The following PTPN21 variants were observed in gnomAD, a reference collection of about 807,000 sequenced individuals.
PTPN21 encodes tyrosine-protein phosphatase non-receptor type 21.
In PTPN21, 77 loss-of-function variants were observed where a neutral mutation model predicts 131.8. The observed-to-expected ratio is 0.58, with a 90% CI of 0.49 to 0.71. PTPN21 has a LOEUF of 0.71. Ranked by LOEUF, PTPN21 falls within the 30% of genes least tolerant of loss-of-function variation. PTPN21 has a pLI of 0.00. For missense variants in PTPN21, 1,552 were observed against 1,527.1 expected, an observed-to-expected ratio of 1.02 and a Z score of -0.27; for synonymous variants, 715 against 621.3, an observed-to-expected ratio of 1.15 and a Z score of -2.24.
Position 88,515,542 on chromosome 14 carries a change from T to C in PTPN21, c.350+1550A>G, listed in dbSNP as rs537139148. On this transcript the variant is annotated intron_variant, in intron 3 of 18. Coordinates refer to ENST00000556564, the MANE Select transcript of PTPN21 (RefSeq NM_007039.4). ...CTAATGTCTATTTTTAAAACCTCCT[T>C]AGGTAATACCTGAAACTTCCTGAAG... is the stretch of plus-strand genomic sequence containing the variant. 3 of 152,276 alleles carry C rather than the reference T, an allele frequency of 2.0e-5. No homozygotes were observed. In the East Asian group the frequency reaches 5.8e-4, roughly 29 times the overall value. 9.4% of individuals were successfully genotyped at this position (152,276 alleles called of 1,614,324 possible). A position where few individuals can be genotyped will look rare whatever the true frequency, so the allele number is the denominator to read the frequency against.
At chr14:88,472,611 TGTA>T in intron 14 of PTPN21, 146 bp from the exon 15 acceptor site, 1 of 617,360 alleles carries the variant, frequency 1.6e-6, no homozygotes. Flanking sequence ...GTCTCATGCC[TGTA>T]ATCCCTGCAC....
At chr14:88,483,360 C>G (rs926696510) in intron 12 of PTPN21, among the ~76,000 whole-genome samples, 27 of 152,038 alleles carry the variant, frequency 1.8e-4, no homozygotes, top group African/African-American at 6.5e-4. Context: ...AGAGGACAGC[C>G]AGGTCCTGGA....
chr14:88,498,742 C>T lies in PTPN21; in HGVS notation c.765-1452G>A, dbSNP rs111238283. 8.9e-3 allele frequency among the ~76,000 whole-genome samples: 1,360 copies of T among 152,150 alleles called. 23 individuals are homozygous for T. Among genetic ancestry groups the T allele is most frequent in the African/African-American group, 0.031 (1,296 of 41,494 alleles). Reference sequence around the variant, plus strand: ...GAAGATAAATTTGAAATGCCAGGAACTCAAAGAGTGAACTATTCTGGAAGT... The same window carrying T: ...GAAGATAAATTTGAAATGCCAGGAATTCAAAGAGTGAACTATTCTGGAAGT... On this transcript the variant is annotated intron_variant, in intron 8 of 18. Coordinates refer to ENST00000556564, the MANE Select transcript of PTPN21 (RefSeq NM_007039.4).
intron 2 of PTPN21, chr14:88,547,771 A>C: frequency 2.3e-6 from 1 of 426,364 alleles, no homozygotes; most frequent in Non-Finnish European, 4.7e-6. Flanking sequence ...CCCTCCTCTA[A>C]TCTACCATGA....
At position 88,470,049 on chromosome 14, in the gene PTPN21, A is replaced by T. The variant is rs951516840; in HGVS notation, c.2873T>A (p.Val958Asp). The T allele has an allele frequency of 6.2e-7, 1 of 1,612,384 alleles. No individual in the cohort carries two copies. Among genetic ancestry groups the T allele is most frequent in the Non-Finnish European group, 8.5e-7 (1 of 1,178,556 alleles). Residue 958 changes from valine to aspartate, a missense_variant and splice_region_variant, in exon 16 of 19, where the codon GTC (valine) becomes GAC (aspartate). Physicochemically the swap from Val to Asp is radical, Grantham distance 152. Transcript: ENST00000556564. ...ATCCCATTCGATTCCACTGACAGAGACCTGGGATTAGAAAAGGTTAAAAAA... is the reference window on the plus strand; with the variant it reads ...ATCCCATTCGATTCCACTGACAGAGTCCTGGGATTAGAAAAGGTTAAAAAA... ...TGYINASHIK[V>D]SVSGIEWDYI... is the part of the protein sequence containing the mutation.
At chr14:88,518,733 ATAAT>A (rs1215815807) in intron 2 of PTPN21, among the ~76,000 whole-genome samples, 1 of 151,770 alleles carries the variant, frequency 6.6e-6, no homozygotes, top group African/African-American at 2.4e-5. Flanking sequence ...ACCCAGCCTC[ATAAT>A]TAATATTTTT....
Position 88,480,177 on chromosome 14 carries a change from G to A in PTPN21, c.1254C>T (p.Asn418=), listed in dbSNP as rs745947768. ...TGACGTCACTCCCGGTGATGCTAGG[G>A]TTGGACGACATCGGCGAGGGCTGCA... ...PYLQPSPMSS[N]PSITGSDVMR... The change falls in exon 13 of 19, where the codon AAC becomes AAT. Residue 418 remains asparagine, a synonymous_variant. Transcript: ENST00000556564. 6.2e-7 allele frequency: 1 copy of A among 1,614,204 alleles called. No individual in the cohort carries two copies. Among genetic ancestry groups the A allele is most frequent in the Non-Finnish European group, 8.5e-7 (1 of 1,180,026 alleles).
chr14:88,475,544 C>T (rs1011231706), intron 13 of PTPN21, among the ~76,000 whole-genome samples: 1 of 152,140 alleles, frequency 6.6e-6, no homozygotes, highest in Non-Finnish European at 1.5e-5. Flanking sequence ...TATATCCAGA[C>T]ACAGGCATAC....
chr14:88,531,385 C>G (rs1426532910), intron 2 of PTPN21, among the ~76,000 whole-genome samples: 1 of 152,032 alleles, frequency 6.6e-6, no homozygotes, highest in Non-Finnish European at 1.5e-5. Context: ...AGTGAAACCC[C>G]ATCTCTACTA....
chr14:88,552,188 T>G (rs1013078422), intron 1 of PTPN21: 1 of 152,166 alleles, frequency 6.6e-6, no homozygotes, highest in Non-Finnish European at 1.5e-5. Context: ...TGGGAATCGA[T>G]CCCAAATTCC....
chr14:88,474,858 C>T (rs899752784), intron 13 of PTPN21, among the ~76,000 whole-genome samples: 3 of 152,120 alleles, frequency 2.0e-5, no homozygotes, highest in Admixed American at 1.3e-4. Flanking sequence ...GCCTGTAATC[C>T]TAGCACTTTG....
At chr14:88,497,122 CA>C in intron 9 of PTPN21, 80 bp downstream of exon 9, 3 of 1,108,244 alleles carry the variant, frequency 2.7e-6, no homozygotes, top group Non-Finnish European at 4.1e-6. Flanking sequence ...GCCCTGCCTC[CA>C]AACACATACA....
intron 2 of PTPN21, among the ~76,000 whole-genome samples, chr14:88,531,659 T>C (rs1238770684): frequency 6.6e-6 from 1 of 152,060 alleles, no homozygotes; most frequent in Non-Finnish European, 1.5e-5. Flanking sequence ...TAAATGCCTG[T>C]ATCAAAAAGT....
At chr14:88,497,611 T>C (rs748598461) in intron 8 of PTPN21, among the ~76,000 whole-genome samples, 1 of 149,660 alleles carries the variant, frequency 6.7e-6, no homozygotes, top group African/African-American at 2.5e-5. Context: ...CTACTAAAAA[T>C]ACAAAAAAAA....
At chr14:88,545,298 A>G (rs868634636) in intron 2 of PTPN21, among the ~76,000 whole-genome samples, 16 of 152,186 alleles carry the variant, frequency 1.1e-4, no homozygotes, top group Non-Finnish European at 1.6e-4. Context: ...CTTACTGCTT[A>G]TAAATTACTA....
chr14:88,530,006 G>T (rs2078532677), intron 2 of PTPN21, among the ~76,000 whole-genome samples: 2 of 150,912 alleles, frequency 1.3e-5, no homozygotes, highest in South Asian at 4.2e-4. Context: ...AGAAAAAGAA[G>T]AATCTTAGGA....
At chr14:88,499,303 A>G (rs1381412461) in intron 8 of PTPN21, 1 of 152,214 alleles carries the variant, frequency 6.6e-6, no homozygotes, top group Admixed American at 6.6e-5. Context: ...ATGGCTCAAG[A>G]GGCAGTAAAG....
At chr14:88,524,397 T>C (rs1279873270) in intron 2 of PTPN21, among the ~76,000 whole-genome samples, 2 of 152,140 alleles carry the variant, frequency 1.3e-5, no homozygotes, top group Non-Finnish European at 1.5e-5. Context: ...CAGCAAATGG[T>C]GCTGGGGCAA....
At position 88,485,841 on chromosome 14, in the gene PTPN21, G is replaced by A; in HGVS notation, c.934C>T (p.Gln312Ter). 6.2e-7 allele frequency: 1 copy of A among 1,600,394 alleles called. No homozygotes were observed. Among genetic ancestry groups the A allele is most frequent in the African/African-American group, 1.3e-5 (1 of 74,676 alleles). ...GGGTTCACTGTGACAGTCTGAGTTT[G>A]CCTATAAAATAGGATGACTCTGAGA... ...KFYRLNQCNLQTQTVTVNPIR... is the reference protein window; with the variant it reads ...KFYRLNQCNL The change falls in exon 11 of 19, where the codon CAA becomes TAA. Residue 312 changes from glutamine to a stop codon, truncating the protein, a stop_gained and splice_region_variant. Coordinates refer to ENST00000556564, the MANE Select transcript of PTPN21 (RefSeq NM_007039.4). LOFTEE classifies it high-confidence loss of function.
Sources: gnomAD v4.1 joint callset for allele counts (sites outside exome capture counted in the v4.1 genomes callset) on GRCh38, gnomAD v4.1.1 for gene constraint, MANE v1.5 for transcripts, NCBI Gene and HGNC (gene_info 2026-07-23, HGNC 2026-07-21) for gene names.